PCDHA1: variants seen among roughly 807,000 people sequenced by gnomAD.
The protein encoded by PCDHA1 is protocadherin alpha 1, also known as protocadherin alpha-1.
A neutral mutation model predicts 61.3 loss-of-function variants in PCDHA1; 42 were observed. The ratio of observed to expected loss-of-function variants is 0.69; its 90% CI spans 0.54 to 0.89. The LOEUF (loss-of-function observed/expected upper bound fraction) is 0.89, where lower values mean the gene tolerates loss of function less well. PCDHA1 is among the 40% of genes least tolerant of loss of function. The pLI is 0.00. For synonymous variants in PCDHA1, 610 were observed against 553.8 expected, an observed-to-expected ratio of 1.10 and a Z score of -1.43; for missense variants, 1,256 against 1,235.3, an observed-to-expected ratio of 1.02 and a Z score of -0.25.
At chr5:140,965,689 A>T (rs2095924180) in intron 1 of PCDHA1, among the ~76,000 whole-genome samples, 2 of 152,266 alleles carry the variant, frequency 1.3e-5, no homozygotes, top group African/African-American at 4.8e-5. Context: ...TTGAAGCAAG[A>T]TTAGAAAAAG....
chr5:140,809,491 C>A lies in PCDHA1; in HGVS notation c.2394+20807C>A, dbSNP rs782810628. 2.5e-6 allele frequency: 4 copies of A among 1,614,102 alleles called. No individual in the cohort carries two copies. The Admixed American group carries it at 5.0e-5, about 20-fold the overall frequency. ...CTGGTGAGGGCCCACCCAAGACCGA[C>A]CTCATGGCCTTCAGCCCCAGTTTAC... On this transcript the variant is annotated intron_variant, in intron 1 of 3. Coordinates refer to ENST00000504120, the MANE Select transcript of PCDHA1 (RefSeq NM_018900.4).
At chr5:140,875,240 C>A in intron 1 of PCDHA1, 1 of 923,800 alleles carries the variant, frequency 1.1e-6, no homozygotes. Context: ...CTTGTACTTA[C>A]ATAATCAGTC....
Position 140,849,019 on chromosome 5 carries a change from A to G in PCDHA1, c.2394+60335A>G, listed in dbSNP as rs144148683. On this transcript the variant is annotated intron_variant, in intron 1 of 3. Coordinates refer to ENST00000504120, the MANE Select transcript of PCDHA1 (RefSeq NM_018900.4). ...CTGCTCACTTACAGACTGAGCCCCA[A>G]TGAGTATTTCTTCCTGGACGTGCCA... 14,073 of 1,587,530 alleles carry G rather than the reference A, an allele frequency of 8.9e-3. 240 individuals carry two copies. Among genetic ancestry groups the G allele is most frequent in the Non-Finnish European group, 0.011 (13,037 of 1,163,614 alleles).
At chr5:140,846,790 C>T (rs1780677178) in intron 1 of PCDHA1, among the ~76,000 whole-genome samples, 1 of 149,194 alleles carries the variant, frequency 6.7e-6, no homozygotes, top group Non-Finnish European at 1.5e-5. Context: ...ATTACTGAGC[C>T]CCAGCCCCTG....
At chr5:140,808,438 C>G in intron 1 of PCDHA1, 2 of 1,614,150 alleles carry the variant, frequency 1.2e-6, no homozygotes, top group Non-Finnish European at 1.7e-6. Context: ...ACCGCGAGAG[C>G]GTGTCAGCCT....
At chr5:140,801,325 C>A (rs1554121393) in intron 1 of PCDHA1, 1 of 1,613,256 alleles carries the variant, frequency 6.2e-7, no homozygotes, top group Admixed American at 1.7e-5. Flanking sequence ...AAGCATGGCA[C>A]CTTCGTGGGC....
intron 1 of PCDHA1, chr5:140,797,057 T>G (rs782078913): frequency 2.5e-6 from 4 of 1,613,766 alleles, no homozygotes; most frequent in Non-Finnish European, 3.4e-6. Context: ...GATGTCAACG[T>G]GTACCTGATC....
chr5:140,979,175 AAT>A, intron 2 of PCDHA1, 168 bp downstream of exon 2: 3 of 951,630 alleles, frequency 3.2e-6, no homozygotes, highest in Non-Finnish European at 3.8e-6. Flanking sequence ...AAAGATCGCA[AAT>A]GGTCAGTGCC....
chr5:140,915,626 G>GTCCC (rs1554196996), intron 1 of PCDHA1, among the ~76,000 whole-genome samples: 2 of 146,436 alleles, frequency 1.4e-5, no homozygotes, highest in Non-Finnish European at 3.0e-5. Flanking sequence ...GTCTCTTTCT[G>GTCCC]TCTCTCTCTC....
intron 1 of PCDHA1, chr5:140,864,667 T>G (rs1234979234): frequency 2.6e-5 from 4 of 152,252 alleles, no homozygotes; most frequent in Non-Finnish European, 5.9e-5. Context: ...AATTACCTGT[T>G]GACTTAATTG....
intron 1 of PCDHA1, among the ~76,000 whole-genome samples, chr5:140,792,012 G>A (rs1455261648): frequency 5.9e-5 from 9 of 152,132 alleles, no homozygotes; most frequent in Non-Finnish European, 1.0e-4. Flanking sequence ...TTGGTGGCTT[G>A]AAATAACAGA....
At chr5:140,821,786 C>A in intron 1 of PCDHA1, 1 of 1,611,088 alleles carries the variant, frequency 6.2e-7, no homozygotes, top group Non-Finnish European at 8.5e-7. Flanking sequence ...ATGGTATATT[C>A]CCGGAGAGGA....
At chr5:140,964,609 T>A (rs2095843840) in intron 1 of PCDHA1, among the ~76,000 whole-genome samples, 1 of 152,062 alleles carries the variant, frequency 6.6e-6, no homozygotes, top group Non-Finnish European at 1.5e-5. Context: ...AACTTACAAC[T>A]TGATTCCACT....
chr5:140,801,193 T>G (rs781924888), intron 1 of PCDHA1: 2 of 1,586,700 alleles, frequency 1.3e-6, no homozygotes, highest in Non-Finnish European at 1.7e-6. Flanking sequence ...TGGAAAATAC[T>G]TGCAATGTTG....
At chr5:141,005,689 G>A (rs980293858) in intron 3 of PCDHA1, among the ~76,000 whole-genome samples, 12 of 95,950 alleles carry the variant, frequency 1.3e-4, no homozygotes, top group African/African-American at 4.3e-4. Context: ...GCGACAGAGC[G>A]AAACTCCGTC....
rs372206309 is a variant in PCDHA1, at chr5:140,802,317, G to A, written c.2394+13633G>A. ...TAGCACAGTCATCGCTCTGATCAGC[G>A]TGTCCGACCGCGACTCAGGAGTCAA... On this transcript the variant is annotated intron_variant, in intron 1 of 3. Coordinates refer to ENST00000504120, the MANE Select transcript of PCDHA1 (RefSeq NM_018900.4). The A allele has an allele frequency of 8.1e-6, 13 of 1,614,088 alleles. No individual in the cohort carries two copies. The highest frequency in any genetic ancestry group is 1.3e-5 in the African/African-American group (1 of 74,922).
At chr5:140,985,228 C>T (rs1022229644) in intron 3 of PCDHA1, among the ~76,000 whole-genome samples, 2 of 152,156 alleles carry the variant, frequency 1.3e-5, no homozygotes, top group Admixed American at 6.5e-5. Flanking sequence ...TGAGCCACCG[C>T]GCCTGGCCTA....
chr5:140,915,252 GTTA>G (rs1291041483), intron 1 of PCDHA1, among the ~76,000 whole-genome samples: 2 of 152,012 alleles, frequency 1.3e-5, no homozygotes, highest in African/African-American at 4.8e-5. Flanking sequence ...TGGCCAGGTT[GTTA>G]TTATTTTTGA....
chr5:140,835,368 C>T, intron 1 of PCDHA1: 2 of 1,613,924 alleles, frequency 1.2e-6, no homozygotes, highest in Non-Finnish European at 1.7e-6. Context: ...AGGCTTCCCA[C>T]CCCTGGCTGG....
Sources: allele counts gnomAD v4.1 joint callset (sites outside exome capture counted in the v4.1 genomes callset), GRCh38; gene constraint gnomAD v4.1.1; transcripts MANE v1.5; gene names NCBI Gene and HGNC (gene_info 2026-07-23, HGNC 2026-07-21).